The following PDE4B variants were observed in gnomAD, a reference collection of about 807,000 sequenced individuals.
The protein encoded by PDE4B is 3',5'-cyclic-AMP phosphodiesterase 4B.
In PDE4B, 20 loss-of-function variants were observed where a neutral mutation model predicts 82.2. That is an observed-to-expected ratio of 0.24 (90% confidence interval 0.17 to 0.35). PDE4B has a LOEUF of 0.35. Among genes scored for constraint, PDE4B ranks in the 10% least tolerant of loss-of-function variants. The pLI, the probability that PDE4B is intolerant of heterozygous loss-of-function variation, is 1.00. For synonymous variants in PDE4B, 320 were observed against 318.9 expected (o/e 1.00, Z -0.04); for missense variants, 655 against 907.2 (o/e 0.72, Z 3.57).
chr1:66,125,165 C>CT (rs60294490), intron 3 of PDE4B, among the ~76,000 whole-genome samples: 1 of 103,502 alleles, frequency 9.7e-6, no homozygotes. Flanking sequence ...CATACTATTC[C>CT]TTTTTTTTTT....
rs189387153 is a variant in PDE4B at position 66,203,640 on chromosome 1, C to T, written c.282-43820C>T. 8.5e-3 allele frequency among the ~76,000 whole-genome samples: 1,297 copies of T among 152,252 alleles called. 25 individuals are homozygous for T. Among genetic ancestry groups the T allele is most frequent in the African/African-American group, 0.029 (1,195 of 41,516 alleles). ...TACCCTTTCTTCCAGTTGTTCGCAT[C>T]GGCTCCTGAGGCTTCTGCATTCTTC... On this transcript the variant is annotated intron_variant, in intron 3 of 16. Coordinates refer to ENST00000341517, the MANE Select transcript of PDE4B (RefSeq NM_002600.4).
intron 3 of PDE4B, among the ~76,000 whole-genome samples, chr1:66,034,489 A>T (rs1255632891): frequency 6.6e-6 from 1 of 152,144 alleles, no homozygotes; most frequent in Non-Finnish European, 1.5e-5. Context: ...GGGTTTCCTG[A>T]TCCTCTAGTT....
intron 1 of PDE4B, among the ~76,000 whole-genome samples, chr1:65,832,197 G>A (rs1283398747): frequency 6.6e-6 from 1 of 152,090 alleles, no homozygotes; most frequent in Non-Finnish European, 1.5e-5. Flanking sequence ...TGAGGTAGGA[G>A]GTAAAACTTA....
chr1:66,129,259 A>G (rs527557726), intron 3 of PDE4B, among the ~76,000 whole-genome samples: 4 of 152,224 alleles, frequency 2.6e-5, no homozygotes, highest in Non-Finnish European at 4.4e-5. Context: ...TTTGAAATAG[A>G]AAACAAGATA....
intron 8 of PDE4B, among the ~76,000 whole-genome samples, chr1:66,335,176 C>A (rs1660422027): frequency 6.6e-6 from 1 of 152,070 alleles, no homozygotes; most frequent in East Asian, 1.9e-4. Context: ...AGTTGCAGAT[C>A]TGGAAGTGAT....
In PDE4B at chr1:65,922,606, A is replaced by G. The variant is rs141342534; in HGVS notation, c.281+3771A>G. Among the ~76,000 whole-genome samples, 854 of 152,294 alleles carry G rather than the reference A, an allele frequency of 5.6e-3. 3 individuals carry two copies. The highest frequency in any genetic ancestry group is 9.2e-3 in the Non-Finnish European group (628 of 68,010). ...GGATCCCCTCACCTCTTATACACAC[A>G]TAAATAGAAGGCCTACCCCTACAAA... On this transcript the variant is annotated intron_variant, in intron 3 of 16. Coordinates refer to ENST00000341517, the MANE Select transcript of PDE4B (RefSeq NM_002600.4).
At chr1:66,120,385 C>T (rs989754310) in intron 3 of PDE4B, among the ~76,000 whole-genome samples, 5 of 152,116 alleles carry the variant, frequency 3.3e-5, no homozygotes, top group Non-Finnish European at 5.9e-5. Context: ...ACATTCTCCT[C>T]CTGCCCAGTA....
intron 1 of PDE4B, among the ~76,000 whole-genome samples, chr1:65,886,175 A>G (rs1453707041): frequency 6.6e-6 from 1 of 151,958 alleles, no homozygotes; most frequent in East Asian, 1.9e-4. Flanking sequence ...TGCTGAATCT[A>G]TCCAAAAAAA....
intron 3 of PDE4B, among the ~76,000 whole-genome samples, chr1:66,125,099 T>C (rs1020177114): frequency 6.6e-6 from 1 of 151,828 alleles, no homozygotes; most frequent in East Asian, 1.9e-4. Context: ...CATACTGATA[T>C]TTCTTTCCTA....
At chr1:66,319,157 A>G (rs1203081730) in intron 7 of PDE4B, among the ~76,000 whole-genome samples, 1 of 152,230 alleles carries the variant, frequency 6.6e-6, no homozygotes, top group African/African-American at 2.4e-5. Flanking sequence ...GATCTGAGAC[A>G]TCACTCAGGA....
intron 3 of PDE4B, among the ~76,000 whole-genome samples, chr1:66,175,622 C>T (rs1051105246): frequency 2.6e-5 from 4 of 152,188 alleles, no homozygotes; most frequent in African/African-American, 9.7e-5. Flanking sequence ...GCACCGTGGA[C>T]ATTTTTCTTC....
chr1:66,026,136 C>G (rs1653420069), intron 3 of PDE4B, among the ~76,000 whole-genome samples: 1 of 152,140 alleles, frequency 6.6e-6, no homozygotes, highest in African/African-American at 2.4e-5. Flanking sequence ...TTCAGTTTTT[C>G]ACTTTTACAA....
At chr1:66,206,719 G>T (rs1444336893) in intron 3 of PDE4B, among the ~76,000 whole-genome samples, 1 of 152,168 alleles carries the variant, frequency 6.6e-6, no homozygotes, top group Admixed American at 6.5e-5. Flanking sequence ...TGATCTGGGT[G>T]TGGCTTGAGT....
At chr1:66,180,778 A>G (rs1013832342) in intron 3 of PDE4B, among the ~76,000 whole-genome samples, 3 of 152,168 alleles carry the variant, frequency 2.0e-5, no homozygotes, top group Admixed American at 1.3e-4. Context: ...CAGATGTGGA[A>G]GGCAAGAATG....
intron 3 of PDE4B, among the ~76,000 whole-genome samples, chr1:66,038,690 T>C (rs1654194369): frequency 6.6e-6 from 1 of 152,062 alleles, no homozygotes; most frequent in African/African-American, 2.4e-5. Flanking sequence ...GTTTTGTAAA[T>C]AGGCTCTTGA....
At chr1:66,302,215 C>G (rs1403534346) in intron 7 of PDE4B, among the ~76,000 whole-genome samples, 1 of 152,174 alleles carries the variant, frequency 6.6e-6, no homozygotes, top group Non-Finnish European at 1.5e-5. Context: ...CATCCACAAA[C>G]CAGCCTCTCT....
rs116643503 is a variant in PDE4B at position 66,343,408 on chromosome 1, T to C, written c.747+10788T>C. On this transcript the variant is annotated intron_variant, in intron 8 of 16. Coordinates refer to ENST00000341517, the MANE Select transcript of PDE4B (RefSeq NM_002600.4). ...CAGATCAGACCCTGTGCTATGATTC[T>C]GCTCCTAGGACGCCAAACTGTGGGG... Among the ~76,000 whole-genome samples the C allele has an allele frequency of 9.9e-3, 1,505 of 152,342 alleles. 19 individuals carry two copies. Among genetic ancestry groups the C allele is most frequent in the African/African-American group, 0.035 (1,458 of 41,572 alleles).
At chr1:66,228,985 T>G (rs1454040365) in intron 3 of PDE4B, among the ~76,000 whole-genome samples, 1 of 144,292 alleles carries the variant, frequency 6.9e-6, no homozygotes, top group Non-Finnish European at 1.5e-5. Flanking sequence ...AGGTCTGACC[T>G]AATATTGGGG....
rs7544766 is a variant in PDE4B, at chr1:66,211,273, G to C, written c.282-36187G>C. ...TGTATAAAAGACATGGCTTTCTCCA[G>C]CTAATCATATTATACGTTCCAAGTC... On this transcript the variant is annotated intron_variant, in intron 3 of 16. Coordinates refer to ENST00000341517, the MANE Select transcript of PDE4B (RefSeq NM_002600.4). 6.5e-3 allele frequency among the ~76,000 whole-genome samples: 988 copies of C among 152,306 alleles called. 10 individuals are homozygous for C. The highest frequency in any genetic ancestry group is 0.022 in the African/African-American group (904 of 41,568).
Sources: allele counts gnomAD v4.1 joint callset (sites outside exome capture counted in the v4.1 genomes callset), GRCh38; gene constraint gnomAD v4.1.1; transcripts MANE v1.5; gene names NCBI Gene and HGNC (gene_info 2026-07-23, HGNC 2026-07-21).